The following HELZ2 variants were observed in gnomAD, a reference collection of about 807,000 sequenced individuals.
HELZ2 encodes helicase with zinc finger 2.
A neutral mutation model predicts 208.8 loss-of-function variants in HELZ2; 143 were observed. The observed-to-expected ratio is 0.68, with a 90% confidence interval of 0.60 to 0.79. The LOEUF is 0.79. HELZ2 is among the 30% of genes least tolerant of loss of function. HELZ2 has a pLI of 0.00. For missense variants in HELZ2, 3,690 were observed against 3,794.5 expected (o/e 0.97, Z 0.72); for synonymous variants, 1,705 against 1,693.7 (o/e 1.01, Z -0.16).
At chr20:63,570,800 A>G in exon 2 of HELZ2, 1 of 1,611,026 alleles carries the variant, frequency 6.2e-7, no homozygotes, top group Non-Finnish European at 8.5e-7. Context: ...CGTGCGCCGG[A>G]CCCACTCCTG....
In HELZ2 at chr20:63,563,109, C is replaced by T. The variant is rs778692265; in HGVS notation, c.5713G>A (p.Val1905Met). 11 of 1,594,494 alleles carry T rather than the reference C, an allele frequency of 6.9e-6. No individual in the cohort carries two copies. Among genetic ancestry groups the T allele is most frequent in the Admixed American group, 1.7e-5 (1 of 57,712 alleles). The change falls in exon 8 of 19, where the codon GTG becomes ATG. Residue 1905 changes from valine to methionine, a missense_variant. Val to Met is a conservative substitution (Grantham distance 21). This residue lies in a region of HELZ2 where 2,564 missense variants were observed against 2,580.5 expected (regional missense o/e 0.99). Transcript: ENST00000467148. ...AGGCAGAGGCTGAAGCCCGGTGCCACCGTCCAGAGCTGAGGGCTCGGTACC... is the reference window on the plus strand; with the variant it reads ...AGGCAGAGGCTGAAGCCCGGTGCCATCGTCCAGAGCTGAGGGCTCGGTACC...
chr20:63,564,720 C>T (rs1240468776), exon 8 of HELZ2: 2 of 1,609,772 alleles, frequency 1.2e-6, no homozygotes, highest in Admixed American at 1.7e-5. Flanking sequence ...TGCACAGCCA[C>T]CTCGCACCTG....
Position 63,566,423 on chromosome 20 carries a change from G to A in HELZ2, c.2545C>T (p.Arg849Trp), listed in dbSNP as rs373857476. 46 of 1,548,252 alleles carry A rather than the reference G, an allele frequency of 3.0e-5. No individual in the cohort carries two copies. Among genetic ancestry groups the A allele is most frequent in the Non-Finnish European group, 3.5e-5 (40 of 1,146,840 alleles). The change falls in exon 7 of 19, where the codon CGG becomes TGG. Residue 849 changes from arginine (R) to tryptophan (W), a missense_variant. Physicochemically the swap from Arg to Trp is moderately radical, Grantham distance 101. Transcript: ENST00000467148. ...CCGACAGACACCTGGCCTAGGTCCC[G>A]CCTCCTCAGCTCCTGCCTCAGTGCA...
chr20:63,568,623 G>A, exon 5 of HELZ2: 1 of 1,602,224 alleles, frequency 6.2e-7, no homozygotes, highest in Non-Finnish European at 8.5e-7. Flanking sequence ...TGCTCCTCAG[G>A]CAGTGTGTCC....
At chr20:63,560,858 C>T in exon 15 of HELZ2, 1 of 1,613,324 alleles carries the variant, frequency 6.2e-7, no homozygotes, top group South Asian at 1.1e-5. Context: ...GAGACCGGTC[C>T]AGACCCAGGT....
At position 63,561,292 on chromosome 20, in the gene HELZ2, T is replaced by A; in HGVS notation, c.6954-18A>T. ...TCTTGTACCTGCCGGGGACACTGCT[T>A]GTCACCCCAGGGCCCCCATGCTGCA... On this transcript the variant is annotated intron_variant, in intron 13 of 18. Transcript: ENST00000467148. 1 of 1,612,394 alleles carries A rather than the reference T, an allele frequency of 6.2e-7. No homozygotes were observed. The highest frequency in any genetic ancestry group is 8.5e-7 in the Non-Finnish European group (1 of 1,179,640).
chr20:63,569,255 G>A (rs2082994742), exon 4 of HELZ2: 1 of 1,572,106 alleles, frequency 6.4e-7, no homozygotes, highest in Admixed American at 1.8e-5. Flanking sequence ...TGCTGCGGTT[G>A]AACTCCAGGG....
chr20:63,572,292 G>C lies in HELZ2; in HGVS notation c.94C>G (p.Leu32Val), dbSNP rs1414205435. The change falls in exon 1 of 19, where the codon CTT becomes GTT. Residue 32 changes from leucine (L) to valine (V), a missense_variant. Physicochemically the swap from Leu to Val is conservative, Grantham distance 32 (BLOSUM62 1). Transcript: ENST00000467148. ...AGCTGGGCCCCAGGGGGCTGGCCAA[G>C]GGGGGCCGTGCGCCCGTCGCCATCA... 2.5e-6 allele frequency: 4 copies of C among 1,586,038 alleles called. 1 individual carries two copies. Among genetic ancestry groups the C allele is most frequent in the Non-Finnish European group, 3.4e-6 (4 of 1,168,140 alleles).
chr20:63,572,266 C>T (rs1189639431), exon 1 of HELZ2: 2 of 1,586,138 alleles, frequency 1.3e-6, no homozygotes, highest in East Asian at 2.3e-5. Context: ...CCGGGCAGTA[C>T]AGCTGGGCCC....
At chr20:63,565,496 A>G in exon 8 of HELZ2, 1 of 1,606,742 alleles carries the variant, frequency 6.2e-7, no homozygotes, top group Non-Finnish European at 8.5e-7. Context: ...GTTCTCGTAC[A>G]GCCGGGCCTG....
chr20:63,560,440 C>T (rs1204885121), intron 16 of HELZ2, 39 bp downstream of exon 17: 2 of 1,600,644 alleles, frequency 1.2e-6, no homozygotes, highest in Non-Finnish European at 1.7e-6. Flanking sequence ...CCACCTCCTC[C>T]AGAAAGCCCT....
At chr20:63,572,311 G>T in exon 1 of HELZ2, 2 of 1,585,832 alleles carry the variant, frequency 1.3e-6, no homozygotes, top group African/African-American at 2.7e-5. Context: ...TGCGCCCGTC[G>T]CCATCAGGGG....
chr20:63,568,962 A>G (rs2146021068), exon 5 of HELZ2: 1 of 1,604,460 alleles, frequency 6.2e-7, no homozygotes, highest in Non-Finnish European at 8.5e-7. Context: ...GGCGTCTGCA[A>G]TGCCGTCTTC....
rs747960507 is a variant in HELZ2 at position 63,564,038 on chromosome 20, C to T, written c.4784G>A (p.Arg1595Gln). The change falls in exon 8 of 19, where the codon CGG becomes CAG. Residue 1595 changes from arginine (R) to glutamine (Q), a missense_variant. Physicochemically the swap from Arg to Gln is conservative, Grantham distance 43. Coordinates refer to ENST00000467148, the Ensembl canonical transcript of HELZ2. ...CCAGAGGGAGGCCAGGAGGTGCAGC[C>T]GCGTGTCGGGGGGACTGCCCCCGCC... The T allele has an allele frequency of 7.5e-6, 12 of 1,604,772 alleles. No individual in the cohort carries two copies. The highest frequency in any genetic ancestry group is 4.5e-5 in the East Asian group (2 of 44,686).
exon 8 of HELZ2, chr20:63,566,083 C>A (rs542119964): frequency 6.3e-7 from 1 of 1,586,336 alleles, no homozygotes; most frequent in East Asian, 2.3e-5. Context: ...CCACGGCGTC[C>A]CCCACTACCA....
chr20:63,572,669 A>C, upstream of HELZ2: 1 of 423,020 alleles, frequency 2.4e-6, no homozygotes. Flanking sequence ...AAACTCCGTA[A>C]GGATGGCGTC....
At chr20:63,567,884 C>T (rs45476098) in intron 5 of HELZ2, 20,837 of 690,338 alleles carry the variant, frequency 0.03, 530 homozygotes, top group African/African-American at 0.048. Flanking sequence ...GTCCCCAGAA[C>T]CCCCAATCCA....
At chr20:63,559,005 G>A, downstream of HELZ2, 1 of 462,002 alleles carries the variant, frequency 2.2e-6, no homozygotes, top group Non-Finnish European at 3.9e-6. Flanking sequence ...CTGGTCCCAA[G>A]GAAGCCCCTC....
chr20:63,561,464 C>A, exon 13 of HELZ2: 1 of 1,606,032 alleles, frequency 6.2e-7, no homozygotes. Flanking sequence ...CAGGGTGATG[C>A]TCCTGGGGGA....
Sources: gnomAD v4.1 joint callset for allele counts on GRCh38, gnomAD v4.1.1 for gene constraint, gnomAD v4.1.1 regional missense constraint, MANE v1.5 for transcripts, NCBI Gene and HGNC (gene_info 2026-07-23, HGNC 2026-07-21) for gene names.